Variants in PLEKHA5 observed in about 807,000 individuals in gnomAD.
The protein encoded by PLEKHA5 is pleckstrin homology domain-containing family A member 5.
Under a neutral mutation model 181.9 loss-of-function variants are expected in PLEKHA5, and 55 were observed. The observed-to-expected ratio is 0.30, with a 90% CI of 0.24 to 0.38. The LOEUF is 0.38. PLEKHA5 is among the 10% of genes least tolerant of loss of function. The pLI, the probability that PLEKHA5 is intolerant of heterozygous loss-of-function variation, is 1.00. For missense variants in PLEKHA5, 1,432 were observed against 1,549.5 expected, an observed-to-expected ratio of 0.92 and a Z score of 1.27; for synonymous variants, 535 against 529.4, an observed-to-expected ratio of 1.01 and a Z score of -0.15.
intron 3 of PLEKHA5, among the ~76,000 whole-genome samples, chr12:19,180,168 A>G (rs1217675295): frequency 6.6e-6 from 1 of 152,202 alleles, no homozygotes; most frequent in Non-Finnish European, 1.5e-5. Flanking sequence ...GTAGTAAGCA[A>G]ATCTCAAACT....
intron 11 of PLEKHA5, among the ~76,000 whole-genome samples, chr12:19,276,212 T>C (rs2074463999): frequency 6.6e-6 from 1 of 152,160 alleles, no homozygotes; most frequent in South Asian, 2.1e-4. Context: ...AAGAACAGGC[T>C]AGAGACATAA....
At position 19,151,783 on chromosome 12, in the gene PLEKHA5, A is replaced by C. The variant is rs372048281; in HGVS notation, c.227+19333A>C. The C allele has an allele frequency of 9.9e-5, 15 of 151,952 alleles. No individual in the cohort carries two copies. The East Asian group carries it at 2.5e-3, about 25-fold the overall frequency. 9.4% of individuals were successfully genotyped at this position (151,952 alleles called of 1,614,324 possible). ...CTGTTGTCAAGTGTAAAATTCAAAG[A>C]TCTAAGCCTGGAACCTGGACTTAAA... On this transcript the variant is annotated intron_variant, in intron 3 of 31. Coordinates refer to ENST00000429027, the MANE Select transcript of PLEKHA5 (RefSeq NM_001256470.2).
chr12:19,229,543 T>G lies in PLEKHA5; in HGVS notation c.228-24397T>G, dbSNP rs1367714133. On this transcript the variant is annotated intron_variant, in intron 3 of 31. Coordinates refer to ENST00000429027, the MANE Select transcript of PLEKHA5 (RefSeq NM_001256470.2). The stretch of plus-strand genomic sequence containing the variant: ...AGAGTTGTTCATTCCTCCCGGTGGG[T>G]TTGTGGTCTCGCTGGCCTCAGGAGT... Among the ~76,000 whole-genome samples the G allele has an allele frequency of 2.6e-5, 4 of 151,840 alleles. No individual in the cohort carries two copies. In the East Asian group the frequency reaches 7.8e-4, roughly 29 times the overall value.
chr12:19,358,383 G>C lies in PLEKHA5; in HGVS notation c.3294G>C (p.Gln1098His). The change falls in exon 27 of 32, where the codon CAG becomes CAC. Residue 1098 changes from glutamine (Q) to histidine (H), a missense_variant. Physicochemically the swap from Gln to His is conservative, Grantham distance 24. Coordinates refer to ENST00000429027, the MANE Select transcript of PLEKHA5 (RefSeq NM_001256470.2). ...KGLNVIGASD[Q>H]SPLQSPSNLR... ...TAAATGTTATCGGTGCTTCAGACCA[G>C]TCACCCTTACAAAGCCCTTCAAATT... 1 of 1,613,834 alleles carries C rather than the reference G, an allele frequency of 6.2e-7. No individual in the cohort carries two copies. The highest frequency in any genetic ancestry group is 1.1e-5 in the South Asian group (1 of 91,068).
At chr12:19,240,439 A>G (rs1044145568) in intron 3 of PLEKHA5, among the ~76,000 whole-genome samples, 23 of 136,764 alleles carry the variant, frequency 1.7e-4, no homozygotes, top group African/African-American at 6.1e-4. Context: ...TTCATTAGGG[A>G]GTTTTTTTTT....
At chr12:19,196,263 A>G (rs144337181) in intron 3 of PLEKHA5, among the ~76,000 whole-genome samples, 214 of 152,318 alleles carry the variant, frequency 1.4e-3, no homozygotes, top group African/African-American at 5.0e-3. Flanking sequence ...ATTTCAATCA[A>G]ATGTTTTCAA....
At chr12:19,275,094 T>G (rs541774027) in intron 11 of PLEKHA5, 111 bp downstream of exon 11, 2 of 657,708 alleles carry the variant, frequency 3.0e-6, no homozygotes, top group South Asian at 1.9e-5. Context: ...TTTTAGCTGT[T>G]ATAGCTTCAT....
chr12:19,340,504 A>T (rs1328337229), intron 21 of PLEKHA5, among the ~76,000 whole-genome samples: 1 of 146,718 alleles, frequency 6.8e-6, no homozygotes, highest in African/African-American at 2.5e-5. Context: ...GTTTTGTGGA[A>T]TAGAAAGGGG....
At chr12:19,263,449 TCA>T (rs1293337109) in intron 7 of PLEKHA5, among the ~76,000 whole-genome samples, 4 of 152,180 alleles carry the variant, frequency 2.6e-5, no homozygotes, top group Non-Finnish European at 4.4e-5. Context: ...GATATCCTCT[TCA>T]CTTAAATGCT....
intron 29 of PLEKHA5, among the ~76,000 whole-genome samples, chr12:19,365,750 C>T (rs921440742): frequency 6.6e-6 from 1 of 152,064 alleles, no homozygotes; most frequent in South Asian, 2.1e-4. Flanking sequence ...TTAGATGAAG[C>T]AAGATTGGCA....
chr12:19,311,051 C>T (rs2086315759), intron 15 of PLEKHA5, among the ~76,000 whole-genome samples: 1 of 152,078 alleles, frequency 6.6e-6, no homozygotes, highest in African/African-American at 2.4e-5. Context: ...AAGTTTGTTA[C>T]ATCAATTGAC....
intron 3 of PLEKHA5, among the ~76,000 whole-genome samples, chr12:19,155,905 T>G (rs572400143): frequency 1.3e-5 from 2 of 152,228 alleles, no homozygotes; most frequent in African/African-American, 4.8e-5. Context: ...AACATCTTTT[T>G]CTTCAGAGAC....
At chr12:19,338,244 C>G (rs1340166730) in intron 21 of PLEKHA5, among the ~76,000 whole-genome samples, 1 of 151,954 alleles carries the variant, frequency 6.6e-6, no homozygotes, top group Non-Finnish European at 1.5e-5. Flanking sequence ...GTTCTGTCAC[C>G]CAGGCTGGAG....
chr12:19,209,120 A>C, intron 3 of PLEKHA5, among the ~76,000 whole-genome samples: 1 of 152,144 alleles, frequency 6.6e-6, no homozygotes, highest in Admixed American at 6.5e-5. Flanking sequence ...TGAGGCACTA[A>C]GAAGGATAAG....
intron 3 of PLEKHA5, among the ~76,000 whole-genome samples, chr12:19,142,666 A>G (rs1233897848): frequency 2.6e-5 from 4 of 152,182 alleles, no homozygotes; most frequent in Admixed American, 6.5e-5. Flanking sequence ...ACAGTAGTCA[A>G]TCAAATTCAC....
At chr12:19,234,477 G>A (rs1473332798) in intron 3 of PLEKHA5, among the ~76,000 whole-genome samples, 1 of 152,126 alleles carries the variant, frequency 6.6e-6, no homozygotes, top group African/African-American at 2.4e-5. Context: ...AGCTGTGCAG[G>A]GTGCTGGTAA....
intron 3 of PLEKHA5, among the ~76,000 whole-genome samples, chr12:19,179,204 T>C (rs2047981516): frequency 6.6e-6 from 1 of 152,246 alleles, no homozygotes; most frequent in Non-Finnish European, 1.5e-5. Context: ...ATTATTCCAT[T>C]TTTGATCCCA....
chr12:19,235,493 C>T (rs757243544), intron 3 of PLEKHA5, among the ~76,000 whole-genome samples: 18 of 152,134 alleles, frequency 1.2e-4, no homozygotes, highest in Non-Finnish European at 2.2e-4. Flanking sequence ...TAATTAAACA[C>T]TTACAATGTG....
intron 3 of PLEKHA5, among the ~76,000 whole-genome samples, chr12:19,231,003 T>A (rs1286747312): frequency 3.3e-5 from 5 of 152,180 alleles, no homozygotes; most frequent in African/African-American, 9.7e-5. Flanking sequence ...GTCTTTTAGG[T>A]CCTAAGGCTG....
Sources: allele counts gnomAD v4.1 joint callset (sites outside exome capture counted in the v4.1 genomes callset), GRCh38; gene constraint gnomAD v4.1.1; transcripts MANE v1.5; gene names NCBI Gene and HGNC (gene_info 2026-07-23, HGNC 2026-07-21).